The following UACA variants were observed in gnomAD, a reference collection of about 807,000 sequenced individuals.
UACA encodes nuclear membrane binding protein.
A neutral mutation model predicts 160.5 loss-of-function variants in UACA; 112 were observed. The ratio of observed to expected loss-of-function variants is 0.70; its 90% CI spans 0.60 to 0.82. UACA has a LOEUF of 0.82. UACA is among the 40% of genes least tolerant of loss of function. The pLI is 0.00. For missense variants in UACA, 1,574 were observed against 1,614.6 expected (o/e 0.97, Z 0.43); for synonymous variants, 557 against 568.4 (o/e 0.98, Z 0.29).
At chr15:70,675,602 T>C (rs530505604) in intron 13 of UACA, among the ~76,000 whole-genome samples, 5 of 152,380 alleles carry the variant, frequency 3.3e-5, no homozygotes, top group South Asian at 2.1e-4. Flanking sequence ...TTGAACTTCA[T>C]AAAAATAGAA....
chr15:70,724,554 TAC>T (rs1450993290), intron 1 of UACA, among the ~76,000 whole-genome samples: 2 of 152,176 alleles, frequency 1.3e-5, no homozygotes, highest in African/African-American at 2.4e-5. Flanking sequence ...TTAACTGTAC[TAC>T]ACAGTTTTAC....
At chr15:70,721,240 C>G (rs60789406) in intron 1 of UACA, among the ~76,000 whole-genome samples, 20,611 of 152,152 alleles carry the variant, frequency 0.14, 1,716 homozygotes, top group African/African-American at 0.23. Flanking sequence ...CATTCTGTTT[C>G]TAGAATGGCT....
Position 70,690,497 on chromosome 15 carries a change from A to G in UACA, c.381T>C (p.Thr127=). The change falls in exon 5 of 19, where the codon ACT becomes ACC. Residue 127 remains threonine, a synonymous_variant. Transcript: ENST00000322954. ...LQKLLQYNCP[T]EHADLQGRTA... is the part of the protein sequence containing the mutation. The stretch of plus-strand genomic sequence containing the variant: ...TTCTTCCCTGCAGGTCTGCATGCTC[A>G]GTGGGACAATTGTACTGTTAAAGTA... The G allele has an allele frequency of 1.2e-6, 2 of 1,613,012 alleles. No individual in the cohort carries two copies. The highest frequency in any genetic ancestry group is 1.1e-5 in the South Asian group (1 of 90,928).
intron 1 of UACA, among the ~76,000 whole-genome samples, chr15:70,705,392 C>A (rs1898495744): frequency 6.6e-6 from 1 of 151,856 alleles, no homozygotes; most frequent in Non-Finnish European, 1.5e-5. Flanking sequence ...CAAAATTAGC[C>A]AGGCATGGTG....
In UACA at chr15:70,714,737, C is replaced by G. The variant is rs75617077; in HGVS notation, c.79-15077G>C. 8.8e-3 allele frequency among the ~76,000 whole-genome samples: 1,343 copies of G among 152,248 alleles called. 18 individuals carry two copies. The highest frequency in any genetic ancestry group is 0.03 in the African/African-American group (1,246 of 41,534). On this transcript the variant is annotated intron_variant, in intron 1 of 18. Transcript: ENST00000322954. ...CTGCTTTGCCAAGATTTCCTAACCACCCGGTTTGATTCTATTCTAGTCTGT... is the reference window on the plus strand; with the variant it reads ...CTGCTTTGCCAAGATTTCCTAACCAGCCGGTTTGATTCTATTCTAGTCTGT...
intron 1 of UACA, among the ~76,000 whole-genome samples, chr15:70,748,724 C>A (rs1446309728): frequency 6.6e-6 from 1 of 152,096 alleles, no homozygotes; most frequent in Non-Finnish European, 1.5e-5. Context: ...GAACACTAGG[C>A]TCCGATTTCA....
intron 8 of UACA, among the ~76,000 whole-genome samples, chr15:70,683,563 A>G (rs1290529577): frequency 6.6e-6 from 1 of 152,210 alleles, no homozygotes; most frequent in African/African-American, 2.4e-5. Flanking sequence ...GAATAATTAT[A>G]AATAGCTTAA....
intron 1 of UACA, among the ~76,000 whole-genome samples, chr15:70,752,642 A>C (rs2030158852): frequency 6.6e-6 from 1 of 150,544 alleles, no homozygotes. Flanking sequence ...AGTCAATGAG[A>C]TTTTTTTTTT....
chr15:70,698,764 G>A (rs1898222107), intron 2 of UACA, among the ~76,000 whole-genome samples: 1 of 152,068 alleles, frequency 6.6e-6, no homozygotes, highest in African/African-American at 2.4e-5. Context: ...AACTTTGAAA[G>A]GGTTCCCAGA....
intron 1 of UACA, among the ~76,000 whole-genome samples, chr15:70,747,108 C>A (rs1899729803): frequency 6.6e-6 from 1 of 152,076 alleles, no homozygotes; most frequent in Non-Finnish European, 1.5e-5. Flanking sequence ...GCACATGTAT[C>A]CCAGAACTTA....
Position 70,671,050 on chromosome 15 carries a change from C to A in UACA, c.1210G>T (p.Ala404Ser). Residue 404 changes from alanine to serine, a missense_variant, in exon 15 of 19, where the codon GCA becomes TCA. Ala to Ser is a moderately conservative substitution (Grantham distance 99). Coordinates refer to ENST00000322954, the MANE Select transcript of UACA (RefSeq NM_018003.4). ...AAAACAGTTATTACCTGTGAGTCTG[C>A]CATATACATCTGACCTTGTTTAAGA... Reference protein sequence around the residue: ...MLLKQGQMYMADSQCTSPGIP... With the variant: ...MLLKQGQMYMSDSQCTSPGIP... The A allele has an allele frequency of 6.4e-7, 1 of 1,566,544 alleles. No individual in the cohort carries two copies.
rs11292883 is a variant in UACA, at chr15:70,749,698, C to CAAA, written c.78+13629_78+13631dup. Among the ~76,000 whole-genome samples the CAAA allele has an allele frequency of 1.4e-3, 97 of 69,998 alleles. 2 individuals are homozygous for CAAA. Among genetic ancestry groups the CAAA allele is most frequent in the African/African-American group, 4.0e-3 (76 of 19,066 alleles). The allele number at this position is 69,998 out of a possible 152,430, so 45.9% of individuals were successfully genotyped here. ...TGGGCGACAGAGGAAGACTCCGTCT[C>CAAA]AAAAAAAAAAAAAAAAAAAAAAAGT... On this transcript the variant is annotated intron_variant, in intron 1 of 18. Transcript: ENST00000322954.
upstream of UACA, chr15:70,763,685 T>G: frequency 2.4e-6 from 1 of 417,734 alleles, no homozygotes; most frequent in Non-Finnish European, 3.9e-6. Flanking sequence ...GTAACACCCT[T>G]CCTCTCCCAG....
At chr15:70,775,563 G>A in the UACA span, among the ~76,000 whole-genome samples, 2 of 152,242 alleles carry the variant, frequency 1.3e-5, no homozygotes, top group East Asian at 1.9e-4. Flanking sequence ...TTTTGATATT[G>A]GAGTTAGGAA....
intron 1 of UACA, among the ~76,000 whole-genome samples, chr15:70,710,527 A>G (rs936164293): frequency 1.3e-5 from 2 of 152,132 alleles, no homozygotes; most frequent in Non-Finnish European, 2.9e-5. Context: ...ACAGACCTAC[A>G]GACTCAGTCC....
chr15:70,704,610 T>C (rs1207080415), intron 1 of UACA, among the ~76,000 whole-genome samples: 2 of 152,190 alleles, frequency 1.3e-5, no homozygotes, highest in African/African-American at 4.8e-5. Flanking sequence ...ACCAGTGCTC[T>C]CAACTACAAA....
chr15:70,660,316 T>C (rs1896662003), intron 17 of UACA, 100 bp from the exon 18 acceptor site: 3 of 973,260 alleles, frequency 3.1e-6, no homozygotes, highest in Admixed American at 4.3e-5. Flanking sequence ...TTATTATTAT[T>C]AAGGCGATCC....
At chr15:70,746,677 T>G (rs556318270) in intron 1 of UACA, among the ~76,000 whole-genome samples, 5 of 152,156 alleles carry the variant, frequency 3.3e-5, no homozygotes, top group Admixed American at 2.0e-4. Context: ...TAAAGACACA[T>G]GCACACATAT....
Position 70,713,264 on chromosome 15 carries a change from C to T in UACA, c.79-13604G>A, listed in dbSNP as rs760807954. On this transcript the variant is annotated intron_variant, in intron 1 of 18. Transcript: ENST00000322954. ...TACTCGGGAGGCTGAGGCAGAATGG[C>T]GCGAACCCAGGAGGCAGAGCCTGCA... Among the ~76,000 whole-genome samples, 5 of 152,156 alleles carry T rather than the reference C, an allele frequency of 3.3e-5. No homozygotes were observed. The South Asian group carries it at 6.2e-4, about 19-fold the overall frequency.
Sources: allele counts gnomAD v4.1 joint callset (sites outside exome capture counted in the v4.1 genomes callset), GRCh38; gene constraint gnomAD v4.1.1; transcripts MANE v1.5; gene names NCBI Gene and HGNC (gene_info 2026-07-23, HGNC 2026-07-21).